Variants in PCDH15 observed in about 807,000 individuals in gnomAD.
The protein encoded by PCDH15 is protocadherin-15.
PCDH15 carries 129 observed loss-of-function variants against 178.5 expected under a neutral mutation model. The ratio of observed to expected loss-of-function variants is 0.72; its 90% CI spans 0.63 to 0.84. PCDH15 has a LOEUF of 0.84. PCDH15 is among the 40% of genes least tolerant of loss of function. The pLI is 0.00. For synonymous variants in PCDH15, 800 were observed against 732.0 expected (o/e 1.09, Z -1.50); for missense variants, 2,230 against 2,099.9 (o/e 1.06, Z -1.21).
At chr10:54,917,376 C>A (rs192154532) in intron 2 of PCDH15, among the ~76,000 whole-genome samples, 1 of 152,262 alleles carries the variant, frequency 6.6e-6, no homozygotes, top group Non-Finnish European at 1.5e-5. Context: ...AACATTTCTG[C>A]TAAGAACAGA....
chr10:55,149,272 T>C (rs1370236946), intron 2 of PCDH15, among the ~76,000 whole-genome samples: 2 of 151,602 alleles, frequency 1.3e-5, no homozygotes, highest in Non-Finnish European at 2.9e-5. Context: ...ATTCAAATAC[T>C]TAAAAAATAT....
chr10:54,948,904 T>C (rs1282880205), intron 2 of PCDH15, among the ~76,000 whole-genome samples: 1 of 151,892 alleles, frequency 6.6e-6, no homozygotes, highest in East Asian at 1.9e-4. Context: ...CCAATCAAGT[T>C]GTTACATAAT....
chr10:55,440,034 G>A (rs1444351038), intron 2 of PCDH15, among the ~76,000 whole-genome samples: 4 of 152,054 alleles, frequency 2.6e-5, no homozygotes, highest in African/African-American at 9.7e-5. Context: ...AAAACAAAAT[G>A]TGTTGTTATT....
intron 5 of PCDH15, among the ~76,000 whole-genome samples, chr10:54,350,580 T>C (rs1472252720): frequency 2.0e-5 from 3 of 152,196 alleles, no homozygotes; most frequent in Non-Finnish European, 4.4e-5. Flanking sequence ...ATAAGTTATA[T>C]GGGCAAACAT....
In PCDH15 at chr10:55,343,500, G is replaced by A. The variant is rs1448665302; in HGVS notation, c.-155-176849C>T. Among the ~76,000 whole-genome samples the A allele has an allele frequency of 4.0e-5, 6 of 150,990 alleles. No individual in the cohort carries two copies. In the Middle Eastern group the frequency reaches 0.01, roughly 257 times the overall value. ...TCTCTGATCTATTATCTTTTCACAT[G>A]TCACCTCTTCTTACCTTATTTATAT... On this transcript the variant is annotated intron_variant, in intron 2 of 5. Transcript: ENST00000613346.
chr10:54,229,047 GAATA>G (rs1480489994), intron 9 of PCDH15, among the ~76,000 whole-genome samples: 1 of 152,030 alleles, frequency 6.6e-6, no homozygotes, highest in Non-Finnish European at 1.5e-5. Context: ...TCAAAAAAAT[GAATA>G]AATAGCTGAG....
chr10:54,891,320 C>T (rs933898697), intron 3 of PCDH15, among the ~76,000 whole-genome samples: 1 of 152,076 alleles, frequency 6.6e-6, no homozygotes, highest in African/African-American at 2.4e-5. Context: ...AGTCAGTAGC[C>T]TTGTGAGCAA....
intron 3 of PCDH15, among the ~76,000 whole-genome samples, chr10:54,886,837 G>A (rs1217839253): frequency 2.0e-5 from 3 of 152,208 alleles, no homozygotes; most frequent in Admixed American, 1.3e-4. Flanking sequence ...GATTTTGAAA[G>A]GCAATAAATA....
At chr10:54,735,200 G>A (rs1943941639) in intron 1 of PCDH15, among the ~76,000 whole-genome samples, 1 of 151,950 alleles carries the variant, frequency 6.6e-6, no homozygotes, top group African/African-American at 2.4e-5. Context: ...AGTCTCAAAA[G>A]TATATTTGTC....
At chr10:54,600,228 A>C (rs1414666033) in intron 2 of PCDH15, 3 of 587,612 alleles carry the variant, frequency 5.1e-6, no homozygotes, top group Non-Finnish European at 9.6e-6. Context: ...AGACCAAAGA[A>C]GAGGGAAGCC....
At chr10:54,048,407 A>T (rs2093698821) in intron 18 of PCDH15, among the ~76,000 whole-genome samples, 1 of 152,148 alleles carries the variant, frequency 6.6e-6, no homozygotes. Flanking sequence ...TAGTTTAATT[A>T]CGTCCCACTT....
intron 18 of PCDH15, among the ~76,000 whole-genome samples, chr10:54,034,976 T>C (rs1380052379): frequency 6.6e-6 from 1 of 151,870 alleles, no homozygotes; most frequent in Non-Finnish European, 1.5e-5. Flanking sequence ...ATAAGCCAGA[T>C]TGGAGATTAA....
chr10:55,284,652 G>C (rs1028880022), intron 1 of PCDH15, among the ~76,000 whole-genome samples: 1 of 151,826 alleles, frequency 6.6e-6, no homozygotes, highest in African/African-American at 2.4e-5. Context: ...AAAAATTTTA[G>C]GGCATATTTT....
chr10:54,980,143 C>A (rs1839193902), intron 2 of PCDH15, among the ~76,000 whole-genome samples: 1 of 152,114 alleles, frequency 6.6e-6, no homozygotes, highest in South Asian at 2.1e-4. Flanking sequence ...TTGGAGATGA[C>A]CTTGAGCAGT....
chr10:54,863,049 A>G (rs1306460067), intron 3 of PCDH15, among the ~76,000 whole-genome samples: 1 of 152,124 alleles, frequency 6.6e-6, no homozygotes, highest in East Asian at 1.9e-4. Context: ...AACATCCCAT[A>G]TTATTATCAT....
intron 8 of PCDH15, among the ~76,000 whole-genome samples, chr10:54,261,133 G>T (rs1213516991): frequency 6.6e-6 from 1 of 152,004 alleles, no homozygotes; most frequent in Non-Finnish European, 1.5e-5. Context: ...AAACTGTTAG[G>T]ATAAAGACAT....
intron 9 of PCDH15, among the ~76,000 whole-genome samples, chr10:54,228,154 A>T (rs752026427): frequency 1.3e-5 from 2 of 152,056 alleles, no homozygotes; most frequent in Admixed American, 6.6e-5. Context: ...GTATTAGTTC[A>T]TTTTCACACA....
Position 54,164,136 on chromosome 10 carries a change from G to A in PCDH15, c.1591-10843C>T, listed in dbSNP as rs180980629. On this transcript the variant is annotated intron_variant, in intron 13 of 37. Transcript: ENST00000644397. ...GTTTATTCCTAGGGGATGGTTTATA[G>A]TTATGCTATCAGACCAGATGCAGAA... is the stretch of plus-strand genomic sequence containing the variant. Among the ~76,000 whole-genome samples the A allele has an allele frequency of 3.7e-3, 561 of 152,254 alleles. 4 individuals are homozygous for A. Among genetic ancestry groups the A allele is most frequent in the African/African-American group, 0.013 (544 of 41,558 alleles).
At chr10:55,608,894 T>G (rs1843292186) in intron 2 of PCDH15, among the ~76,000 whole-genome samples, 1 of 151,916 alleles carries the variant, frequency 6.6e-6, no homozygotes, top group Non-Finnish European at 1.5e-5. Context: ...TGGGGATCCT[T>G]TCCTGAGGAA....
Sources: gnomAD v4.1 joint callset for allele counts (sites outside exome capture counted in the v4.1 genomes callset) on GRCh38, gnomAD v4.1.1 for gene constraint, MANE v1.5 for transcripts, NCBI Gene and HGNC (gene_info 2026-07-23, HGNC 2026-07-21) for gene names.